Variants in WDR49 observed in about 807,000 individuals in gnomAD.
WDR49 encodes the protein WD repeat domain 49, also known as cilia- and flagella-associated protein 337.
Under a neutral mutation model 119.5 loss-of-function variants are expected in WDR49, and 107 were observed. That is an observed-to-expected ratio of 0.90 (90% CI 0.77 to 1.05). The LOEUF (loss-of-function observed/expected upper bound fraction) is 1.05, where lower values mean the gene tolerates loss of function less well. Ranked by LOEUF, WDR49 falls within the 50% of genes least tolerant of loss-of-function variation. The probability of loss-of-function intolerance (pLI) is 0.00; values close to 1 mark genes in which losing one functional copy is unlikely to be tolerated. For synonymous variants in WDR49, 425 were observed against 418.8 expected, an observed-to-expected ratio of 1.01 and a Z score of -0.18; for missense variants, 1,240 against 1,220.5, an observed-to-expected ratio of 1.02 and a Z score of -0.24.
intron 7 of WDR49, among the ~76,000 whole-genome samples, chr3:167,587,061 G>A (rs1714857231): frequency 1.3e-5 from 2 of 151,936 alleles, no homozygotes; most frequent in Admixed American, 1.3e-4. Flanking sequence ...CTAACCTTAT[G>A]AATCCTATCA....
At chr3:167,596,870 T>TAACAAATA (rs544912943) in intron 7 of WDR49, among the ~76,000 whole-genome samples, 1 of 141,316 alleles carries the variant, frequency 7.1e-6, no homozygotes, top group African/African-American at 2.7e-5. Flanking sequence ...TAAAGTATAA[T>TAACAAATA]AATAAATAAA....
intron 5 of WDR49, among the ~76,000 whole-genome samples, chr3:167,610,993 C>T (rs1309317407): frequency 1.3e-5 from 2 of 152,080 alleles, no homozygotes; most frequent in African/African-American, 4.8e-5. Flanking sequence ...TGAATAGTCA[C>T]CTGAAGGTAC....
chr3:167,512,429 A>G (rs564500986), intron 16 of WDR49, among the ~76,000 whole-genome samples: 1 of 152,306 alleles, frequency 6.6e-6, no homozygotes, highest in South Asian at 2.1e-4. Flanking sequence ...CATCAACAAA[A>G]AATACCCCAC....
intron 7 of WDR49, among the ~76,000 whole-genome samples, chr3:167,584,289 T>G (rs1260508145): frequency 6.6e-6 from 1 of 152,118 alleles, no homozygotes. Context: ...AATTAAAGCA[T>G]GCAATTTTTA....
At chr3:167,615,456 A>G (rs1003292795) in intron 5 of WDR49, among the ~76,000 whole-genome samples, 2 of 151,800 alleles carry the variant, frequency 1.3e-5, no homozygotes, top group African/African-American at 4.8e-5. Flanking sequence ...AAAAAAAAAA[A>G]AAAAAAGAAA....
chr3:167,585,391 C>CGTGT (rs59424091), intron 7 of WDR49, among the ~76,000 whole-genome samples: 1,535 of 137,450 alleles, frequency 0.011, 14 homozygotes, highest in Non-Finnish European at 0.015. Context: ...TAAAAGGGTG[C>CGTGT]GTGTGTGTGT....
intron 18 of WDR49, among the ~76,000 whole-genome samples, chr3:167,492,395 T>TAGG (rs1705094601): frequency 6.6e-6 from 1 of 152,152 alleles, no homozygotes; most frequent in African/African-American, 2.4e-5. Flanking sequence ...CATTCCCATC[T>TAGG]AGGCTCTACC....
At chr3:167,569,425 C>T (rs144108018) in intron 8 of WDR49, among the ~76,000 whole-genome samples, 1 of 152,136 alleles carries the variant, frequency 6.6e-6, no homozygotes, top group South Asian at 2.1e-4. Flanking sequence ...ATCTTTTATG[C>T]ATTCATTCTA....
chr3:167,493,639 T>C (rs1163171783), intron 18 of WDR49, among the ~76,000 whole-genome samples: 2 of 152,180 alleles, frequency 1.3e-5, no homozygotes, highest in African/African-American at 4.8e-5. Flanking sequence ...TTCCTTAGAG[T>C]TCTGTTTACT....
rs546589027 is a variant in WDR49, at chr3:167,562,100, C to G, written c.1510-1872G>C. Among the ~76,000 whole-genome samples, 17 of 152,180 alleles carry G rather than the reference C, an allele frequency of 1.1e-4. No homozygotes were observed. The South Asian group carries it at 3.3e-3, about 30-fold the overall frequency. ...TTGAGTAATTATAAAGTCAGTTTTA[C>G]TGGGAGAGGGCCCACAGCTTTCATC... On this transcript the variant is annotated intron_variant, in intron 8 of 18. Coordinates refer to ENST00000682715, the MANE Select transcript of WDR49 (RefSeq NM_001366157.1).
rs1358202768 is a variant in WDR49 at position 167,626,925 on chromosome 3, G to A, written c.533C>T (p.Pro178Leu). 6.2e-6 allele frequency: 8 copies of A among 1,294,972 alleles called. No homozygotes were observed. The East Asian group carries it at 1.2e-4, about 19-fold the overall frequency. The allele number at this position is 1,294,972 out of a possible 1,614,324, so 80.2% of individuals were successfully genotyped here. A position where few individuals can be genotyped will look rare whatever the true frequency, so the allele number is the denominator to read the frequency against. The stretch of plus-strand genomic sequence containing the variant: ...GAGCTTGGTGGCATCTGAAGTGATG[G>A]GGAATGTTTCTTGCAGCTTTAAATG... The part of the protein sequence containing the change: ...GEHLKLQETF[P>L]ITSDATKLKH... The change falls in exon 3 of 19, where the codon CCC (proline) becomes CTC (leucine). Residue 178 changes from proline to leucine, a missense_variant. By Grantham distance (98) the Pro-to-Leu change is moderately conservative (BLOSUM62 -3). Coordinates refer to ENST00000682715, the MANE Select transcript of WDR49 (RefSeq NM_001366157.1).
intron 16 of WDR49, among the ~76,000 whole-genome samples, chr3:167,517,888 C>G (rs952773232): frequency 6.6e-6 from 1 of 151,964 alleles, no homozygotes; most frequent in Non-Finnish European, 1.5e-5. Context: ...TCCACCCTCC[C>G]CCAACCCCAC....
intron 3 of WDR49, among the ~76,000 whole-genome samples, chr3:167,624,774 G>A (rs900892137): frequency 3.3e-5 from 5 of 151,998 alleles, no homozygotes; most frequent in Non-Finnish European, 2.9e-5. Context: ...ACAGAATACT[G>A]CACATAGATA....
chr3:167,641,271 C>A (rs1329929438), intron 2 of WDR49, among the ~76,000 whole-genome samples: 10 of 151,894 alleles, frequency 6.6e-5, no homozygotes, highest in African/African-American at 2.4e-4. Flanking sequence ...TTGACTCTTC[C>A]CTACTTCTAA....
At chr3:167,505,541 C>T (rs965023649) in intron 16 of WDR49, 125 bp from the exon 17 acceptor site, 24 of 1,258,224 alleles carry the variant, frequency 1.9e-5, no homozygotes, top group African/African-American at 4.7e-5. Flanking sequence ...TCCTGTGAAC[C>T]GAAGTAGTGA....
intron 7 of WDR49, among the ~76,000 whole-genome samples, chr3:167,590,719 T>C (rs1389756780): frequency 6.6e-6 from 1 of 152,116 alleles, no homozygotes; most frequent in Non-Finnish European, 1.5e-5. Flanking sequence ...TTAATAATCA[T>C]TTGAATTTCA....
intron 16 of WDR49, among the ~76,000 whole-genome samples, chr3:167,521,976 A>AGATAGAT (rs1471249118): frequency 1.1e-3 from 124 of 117,714 alleles, no homozygotes; most frequent in African/African-American, 3.7e-3. Context: ...ATAGATAGAT[A>AGATAGAT]GATAGATAGA....
chr3:167,629,405 G>A (rs141171183), intron 2 of WDR49, among the ~76,000 whole-genome samples: 50 of 152,092 alleles, frequency 3.3e-4, no homozygotes, highest in African/African-American at 1.2e-3. Context: ...CTTTTAAAAG[G>A]GTACTGCTCC....
At chr3:167,610,226 A>G (rs183378721) in intron 5 of WDR49, among the ~76,000 whole-genome samples, 2 of 152,252 alleles carry the variant, frequency 1.3e-5, no homozygotes, top group East Asian at 3.9e-4. Flanking sequence ...AGAGTACCCA[A>G]GGCAGGCTCT....
Sources: gnomAD v4.1 joint callset for allele counts (sites outside exome capture counted in the v4.1 genomes callset) on GRCh38, gnomAD v4.1.1 for gene constraint, MANE v1.5 for transcripts, NCBI Gene and HGNC (gene_info 2026-07-23, HGNC 2026-07-21) for gene names.